PDS5A: variants seen among roughly 807,000 people sequenced by gnomAD.
PDS5A encodes sister chromatid cohesion protein PDS5 homolog A.
In PDS5A, 42 loss-of-function variants were observed where a neutral mutation model predicts 167.1. The observed-to-expected ratio is 0.25, with a 90% CI of 0.20 to 0.33. The LOEUF (loss-of-function observed/expected upper bound fraction) is 0.33. PDS5A is among the 10% of genes least tolerant of loss of function. The probability of loss-of-function intolerance (pLI) is 1.00; values close to 1 mark genes in which losing one functional copy is unlikely to be tolerated. For synonymous variants in PDS5A, 553 were observed against 554.6 expected, an observed-to-expected ratio of 1.00 and a Z score of 0.04; for missense variants, 1,033 against 1,605.9, an observed-to-expected ratio of 0.64 and a Z score of 6.10.
intron 11 of PDS5A, among the ~76,000 whole-genome samples, chr4:39,905,149 G>A (rs1220344350): frequency 6.6e-6 from 1 of 152,118 alleles, no homozygotes; most frequent in Non-Finnish European, 1.5e-5. Flanking sequence ...AAATTGTAGT[G>A]AATCTAGGAG....
intron 25 of PDS5A, 125 bp downstream of exon 25, chr4:39,862,744 A>G (rs2109546670): frequency 1.6e-6 from 1 of 637,410 alleles, no homozygotes; most frequent in Non-Finnish European, 2.7e-6. Flanking sequence ...CTACAATGAC[A>G]GCATTCTATA....
Position 39,936,476 on chromosome 4 carries a change from C to T in PDS5A, c.139-8312G>A, listed in dbSNP as rs141969180. On this transcript the variant is annotated intron_variant, in intron 2 of 32. Transcript: ENST00000303538. Reference sequence around the variant, plus strand: ...CTATTTGAGACAGTTTCGCTGTCACCCAGGCTGGAGTGCAGTGGCACAACC... The same window carrying T: ...CTATTTGAGACAGTTTCGCTGTCACTCAGGCTGGAGTGCAGTGGCACAACC... Among the ~76,000 whole-genome samples, 700 of 152,198 alleles carry T rather than the reference C, an allele frequency of 4.6e-3. 8 individuals are homozygous for T. Among genetic ancestry groups the T allele is most frequent in the African/African-American group, 0.016 (660 of 41,516 alleles).
chr4:39,963,889 A>G (rs1003332321), intron 2 of PDS5A, among the ~76,000 whole-genome samples: 2 of 151,992 alleles, frequency 1.3e-5, no homozygotes, highest in African/African-American at 4.8e-5. Context: ...ATAAATTGAT[A>G]AACAGAACAC....
At chr4:39,860,111 C>T (rs1718860465) in intron 26 of PDS5A, among the ~76,000 whole-genome samples, 1 of 151,996 alleles carries the variant, frequency 6.6e-6, no homozygotes, top group African/African-American at 2.4e-5. Flanking sequence ...AAAACAAAAA[C>T]AGATCTGCCA....
chr4:39,859,456 T>C (rs1481051468), intron 26 of PDS5A, among the ~76,000 whole-genome samples: 1 of 152,090 alleles, frequency 6.6e-6, no homozygotes, highest in Non-Finnish European at 1.5e-5. Context: ...TGAAAAACAT[T>C]AGTTGGAACT....
intron 11 of PDS5A, among the ~76,000 whole-genome samples, chr4:39,907,950 CATT>C (rs1239501248): frequency 3.9e-5 from 6 of 152,310 alleles, no homozygotes; most frequent in Non-Finnish European, 7.3e-5. Context: ...ATATAACCAT[CATT>C]ATTGTCCTTA....
Position 39,877,548 on chromosome 4 carries a change from T to C in PDS5A, c.1993-395A>G, listed in dbSNP as rs535606514. 9.8e-5 allele frequency among the ~76,000 whole-genome samples: 15 copies of C among 152,366 alleles called. No individual in the cohort carries two copies. In the South Asian group the frequency reaches 1.0e-3, roughly 11 times the overall value. On this transcript the variant is annotated intron_variant, in intron 18 of 32. Transcript: ENST00000303538. The stretch of plus-strand genomic sequence containing the variant: ...TTACTTGAGATAAAACCTCCATACG[T>C]AATGACTCAATCTTTGTGTAACGTA...
At chr4:39,925,035 C>G (rs1725324316) in intron 5 of PDS5A, among the ~76,000 whole-genome samples, 2 of 152,110 alleles carry the variant, frequency 1.3e-5, no homozygotes, top group African/African-American at 4.8e-5. Flanking sequence ...CTGCTTGAAC[C>G]CGGGAGGTGG....
intron 17 of PDS5A, among the ~76,000 whole-genome samples, chr4:39,881,636 G>A (rs1330228068): frequency 1.3e-5 from 2 of 152,060 alleles, no homozygotes; most frequent in African/African-American, 4.8e-5. Context: ...CCACCTAACT[G>A]TAGAACATCC....
At position 39,925,847 on chromosome 4, in the gene PDS5A, GA is replaced by G; in HGVS notation, c.515del (p.Phe172SerfsTer3). The G allele has an allele frequency of 7.1e-7, 1 of 1,406,844 alleles. No homozygotes were observed. The highest frequency in any genetic ancestry group is 9.9e-7 in the Non-Finnish European group (1 of 1,014,848). 87.1% of individuals were successfully genotyped at this position (1,406,844 alleles called of 1,614,324 possible). ...AAAAAATAACTTACTTGATCACTGA[GA>G]AGAGAGTTCTAAAAAGCTGAATAAA... ...EIFIQLFRTLFSVINNSHNKK... is the reference protein window; with the variant it reads ...EIFIQLFRTLXSVINNSHNKK... On this transcript the variant is annotated frameshift_variant, in exon 5 of 33. Coordinates refer to ENST00000303538, the MANE Select transcript of PDS5A (RefSeq NM_001100399.2). LOFTEE classifies it high-confidence loss of function.
intron 26 of PDS5A, among the ~76,000 whole-genome samples, chr4:39,854,810 G>A (rs9306977): frequency 0.048 from 7,320 of 152,006 alleles, 271 homozygotes; most frequent in East Asian, 0.22. Flanking sequence ...TATTTGTTAA[G>A]GAAATATGAA....
At chr4:39,968,032 AATCC>A (rs1240886071) in intron 2 of PDS5A, among the ~76,000 whole-genome samples, 1 of 152,262 alleles carries the variant, frequency 6.6e-6, no homozygotes, top group African/African-American at 2.4e-5. Context: ...GCTCTGTAGT[AATCC>A]ATGATATAGG....
chr4:39,900,560 T>C, intron 13 of PDS5A, 53 bp from the exon 14 acceptor site: 3 of 1,181,132 alleles, frequency 2.5e-6, no homozygotes, highest in Admixed American at 4.0e-5. Flanking sequence ...CTGGAAATTA[T>C]TCAGCTTTAC....
At chr4:39,924,957 C>T (rs929137941) in intron 5 of PDS5A, among the ~76,000 whole-genome samples, 1 of 151,986 alleles carries the variant, frequency 6.6e-6, no homozygotes, top group African/African-American at 2.4e-5. Context: ...ACTAAAAATA[C>T]AAAAATTAGC....
intron 10 of PDS5A, among the ~76,000 whole-genome samples, chr4:39,909,404 C>T (rs73229705): frequency 0.071 from 10,809 of 152,120 alleles, 501 homozygotes; most frequent in Non-Finnish European, 0.1. Context: ...GGATTACACG[C>T]GTGAGCCACC....
At chr4:39,960,244 G>A (rs978857550) in intron 2 of PDS5A, among the ~76,000 whole-genome samples, 2 of 152,244 alleles carry the variant, frequency 1.3e-5, no homozygotes, top group African/African-American at 4.8e-5. Context: ...ACTCCAGCCT[G>A]GGTGACGGAG....
chr4:39,897,484 C>T (rs768165866), intron 16 of PDS5A, among the ~76,000 whole-genome samples: 3 of 152,074 alleles, frequency 2.0e-5, no homozygotes, highest in Non-Finnish European at 4.4e-5. Context: ...CTACAACCTC[C>T]ACCTCCCGAG....
At chr4:39,975,184 C>A (rs1055395701) in intron 2 of PDS5A, among the ~76,000 whole-genome samples, 5 of 151,302 alleles carry the variant, frequency 3.3e-5, no homozygotes, top group African/African-American at 9.7e-5. Flanking sequence ...GAGGCTGAGG[C>A]AGAATAGCTT....
At chr4:39,973,457 G>A (rs1730765365) in intron 2 of PDS5A, 1 of 1,354,466 alleles carries the variant, frequency 7.4e-7, no homozygotes. Context: ...AGATACCAGG[G>A]TGTTAATATT....
Sources: gnomAD v4.1 joint callset for allele counts (sites outside exome capture counted in the v4.1 genomes callset) on GRCh38, gnomAD v4.1.1 for gene constraint, MANE v1.5 for transcripts, NCBI Gene and HGNC (gene_info 2026-07-23, HGNC 2026-07-21) for gene names.